ANKDD1A: variants seen among roughly 807,000 people sequenced by gnomAD.
ANKDD1A encodes ankyrin repeat and death domain-containing protein 1A.
In ANKDD1A, 59 loss-of-function variants were observed where a neutral mutation model predicts 63.5. The observed-to-expected ratio is 0.93, with a 90% CI of 0.75 to 1.15. The LOEUF is 1.15. Among genes scored for constraint, ANKDD1A ranks in the 50% most tolerant of loss-of-function variants. The pLI, the probability that ANKDD1A is intolerant of heterozygous loss-of-function variation, is 0.00. For synonymous variants in ANKDD1A, 266 were observed against 263.9 expected, an observed-to-expected ratio of 1.01 and a Z score of -0.08; for missense variants, 632 against 656.4, an observed-to-expected ratio of 0.96 and a Z score of 0.41.
chr15:64,949,244 T>C (rs2140383530), intron 13 of ANKDD1A, among the ~76,000 whole-genome samples: 1 of 152,322 alleles, frequency 6.6e-6, no homozygotes, highest in Admixed American at 6.5e-5. Context: ...CATGGTTGTA[T>C]GTTGGAACCA....
intron 14 of ANKDD1A, among the ~76,000 whole-genome samples, chr15:64,956,631 C>G (rs1165560540): frequency 6.6e-6 from 1 of 152,222 alleles, no homozygotes. Flanking sequence ...TCTTGGCTCA[C>G]TGCAACCTCC....
At chr15:64,912,748 T>G (rs1401454556) in intron 1 of ANKDD1A, among the ~76,000 whole-genome samples, 1 of 152,246 alleles carries the variant, frequency 6.6e-6, no homozygotes. Flanking sequence ...AAGCGCATAG[T>G]GCAGCTCACT....
intron 12 of ANKDD1A, among the ~76,000 whole-genome samples, chr15:64,945,946 A>G (rs1387916523): frequency 6.6e-6 from 1 of 151,950 alleles, no homozygotes; most frequent in Non-Finnish European, 1.5e-5. Flanking sequence ...TATGATTTTT[A>G]TCAAGACATA....
Position 64,943,568 on chromosome 15 carries a change from A to T in ANKDD1A, c.1051A>T (p.Asn351Tyr). 6.2e-7 allele frequency: 1 copy of T among 1,614,110 alleles called. No homozygotes were observed. Among genetic ancestry groups the T allele is most frequent in the Non-Finnish European group, 8.5e-7 (1 of 1,180,010 alleles). ...GCTCCTCATTGCTGGGGTTGACTTAAACCTGAGAGATAAGGTACCTCTGCT... is the reference window on the plus strand; with the variant it reads ...GCTCCTCATTGCTGGGGTTGACTTATACCTGAGAGATAAGGTACCTCTGCT... ...DMLLIAGVDL[N>Y]LRDKQGKTAL... The change falls in exon 11 of 15, where the codon AAC (asparagine) becomes TAC (tyrosine). Residue 351 changes from asparagine to tyrosine, a missense_variant. Transcript: ENST00000319580.
intron 4 of ANKDD1A, among the ~76,000 whole-genome samples, chr15:64,923,321 C>G (rs2085021428): frequency 6.6e-6 from 1 of 152,178 alleles, no homozygotes; most frequent in Non-Finnish European, 1.5e-5. Flanking sequence ...AGAAGAAACA[C>G]AGCATTGCCA....
At chr15:64,934,006 C>A in intron 8 of ANKDD1A, 130 bp from the exon 9 acceptor site, 3 of 653,584 alleles carry the variant, frequency 4.6e-6, no homozygotes, top group Non-Finnish European at 7.6e-6. Flanking sequence ...TTTTTCCAGC[C>A]TCAGTTAAAT....
intron 14 of ANKDD1A, among the ~76,000 whole-genome samples, chr15:64,956,735 T>C (rs943177256): frequency 6.6e-6 from 1 of 152,242 alleles, no homozygotes; most frequent in Admixed American, 6.5e-5. Flanking sequence ...TTTGTATTTT[T>C]AGTAGACAGG....
chr15:64,951,588 TTTCTTTC>T (rs1566915824), intron 14 of ANKDD1A, among the ~76,000 whole-genome samples: 3 of 107,182 alleles, frequency 2.8e-5, no homozygotes, highest in African/African-American at 9.1e-5. Context: ...TCTTCTTCCT[TTTCTTTC>T]TTCTTTCTTC....
intron 8 of ANKDD1A, chr15:64,932,069 T>C (rs1041046248): frequency 1.9e-5 from 3 of 161,664 alleles, no homozygotes; most frequent in African/African-American, 7.2e-5. Flanking sequence ...CATTTTTGTA[T>C]TTTTTGGGTA....
intron 6 of ANKDD1A, among the ~76,000 whole-genome samples, chr15:64,929,829 C>A (rs2085075109): frequency 6.6e-6 from 1 of 152,144 alleles, no homozygotes; most frequent in Admixed American, 6.5e-5. Flanking sequence ...AAGGGTCAGA[C>A]ACATGGAACC....
intron 6 of ANKDD1A, 53 bp from the exon 7 acceptor site, chr15:64,930,769 T>C (rs1302958362): frequency 1.3e-6 from 2 of 1,560,176 alleles, no homozygotes; most frequent in African/African-American, 1.3e-5. Flanking sequence ...CACAGGTCTG[T>C]GATTCTGGGA....
At chr15:64,915,743 T>C (rs1207486233) in intron 1 of ANKDD1A, 54 bp from the exon 2 acceptor site, 13 of 1,493,804 alleles carry the variant, frequency 8.7e-6, no homozygotes, top group African/African-American at 1.4e-5. Context: ...ACCTCTCCTG[T>C]CTGCAGTGTG....
chr15:64,939,303 C>CA (rs1403457166), intron 9 of ANKDD1A, among the ~76,000 whole-genome samples: 4 of 151,854 alleles, frequency 2.6e-5, no homozygotes, highest in African/African-American at 7.3e-5. Flanking sequence ...TGTCTCAAAA[C>CA]AAAAAAGACA....
chr15:64,952,639 T>TCTTTCTTCTTC (rs2085315286), intron 14 of ANKDD1A, among the ~76,000 whole-genome samples: 1 of 8,580 alleles, frequency 1.2e-4, no homozygotes, highest in Non-Finnish European at 7.4e-4. Flanking sequence ...TTTTCTTTCT[T>TCTTTCTTCTTC]CTTCTCCTTC....
intron 8 of ANKDD1A, among the ~76,000 whole-genome samples, chr15:64,933,765 C>A (rs2085107018): frequency 6.9e-6 from 1 of 145,266 alleles, no homozygotes; most frequent in South Asian, 2.3e-4. Flanking sequence ...TTACTTCAAC[C>A]TGGGAGGTGG....
At chr15:64,948,721 C>G (rs187515535) in intron 13 of ANKDD1A, among the ~76,000 whole-genome samples, 1 of 151,770 alleles carries the variant, frequency 6.6e-6, no homozygotes, top group Non-Finnish European at 1.5e-5. Context: ...AGCTGCTCGA[C>G]AGGCTGAGGT....
chr15:64,921,793 A>G, intron 3 of ANKDD1A, 128 bp from the exon 4 acceptor site: 1 of 706,056 alleles, frequency 1.4e-6, no homozygotes, highest in Non-Finnish European at 2.4e-6. Context: ...TAAAGCTTGG[A>G]GCTCCCTGGA....
chr15:64,915,338 T>TG (rs1425800902), intron 1 of ANKDD1A, among the ~76,000 whole-genome samples: 1 of 151,696 alleles, frequency 6.6e-6, no homozygotes, highest in East Asian at 1.9e-4. Context: ...TGTGCAGGAG[T>TG]GGGGTAAACA....
intron 14 of ANKDD1A, among the ~76,000 whole-genome samples, chr15:64,954,059 C>T (rs577188769): frequency 1.2e-3 from 5 of 4,006 alleles, no homozygotes; most frequent in African/African-American, 1.5e-3. Flanking sequence ...TTTTCTCCTT[C>T]TTCTTTCTTC....
Sources: allele counts gnomAD v4.1 joint callset (sites outside exome capture counted in the v4.1 genomes callset), GRCh38; gene constraint gnomAD v4.1.1; transcripts MANE v1.5; gene names NCBI Gene and HGNC (gene_info 2026-07-23, HGNC 2026-07-21).